PLEKHB2: variants seen among roughly 807,000 people sequenced by gnomAD.
PLEKHB2 encodes pleckstrin homology domain containing B2, also known as pleckstrin homology domain-containing family B member 2.
Under a neutral mutation model 36.5 loss-of-function variants are expected in PLEKHB2, and 31 were observed. The observed-to-expected ratio is 0.85, with a 90% CI of 0.64 to 1.15. The LOEUF is 1.15. Among genes scored for constraint, PLEKHB2 ranks in the 50% most tolerant of loss-of-function variants. The pLI, the probability that PLEKHB2 is intolerant of heterozygous loss-of-function variation, is 0.00. For synonymous variants in PLEKHB2, 119 were observed against 112.0 expected (o/e 1.06, Z -0.39); for missense variants, 262 against 295.3 (o/e 0.89, Z 0.83).
rs1339284268 is a variant in PLEKHB2, at chr2:131,132,897, C to T, written c.334-5C>T. 1.5e-5 allele frequency: 24 copies of T among 1,579,012 alleles called. No individual in the cohort carries two copies. Among genetic ancestry groups the T allele is most frequent in the African/African-American group, 5.4e-5 (4 of 74,176 alleles). The stretch of plus-strand genomic sequence containing the variant: ...CCTGTCCTCACCCTCTCCTGTCTCC[C>T]GCAGGCGTATGTGGGCTCTGCAGTC... On this transcript the variant is annotated splice_region_variant and splice_polypyrimidine_tract_variant and intron_variant, in intron 5 of 7. Transcript: ENST00000693505.
chr2:131,146,007 C>T (rs1699252241), intron 7 of PLEKHB2, among the ~76,000 whole-genome samples: 1 of 151,658 alleles, frequency 6.6e-6, no homozygotes, highest in South Asian at 2.1e-4. Context: ...ACGGTGAAAC[C>T]CCGTCTCTAC....
intron 1 of PLEKHB2, among the ~76,000 whole-genome samples, chr2:131,105,945 C>T (rs966518325): frequency 1.3e-5 from 2 of 152,334 alleles, no homozygotes; most frequent in African/African-American, 2.4e-5. Context: ...GTCTCCCCTC[C>T]TTAAGTCCCG....
At chr2:131,122,835 G>T (rs1696653272) in intron 2 of PLEKHB2, among the ~76,000 whole-genome samples, 1 of 152,144 alleles carries the variant, frequency 6.6e-6, no homozygotes, top group African/African-American at 2.4e-5. Flanking sequence ...GAAAGTCCTG[G>T]CTTGTTGAAG....
At chr2:131,114,889 C>T (rs1695695927) in intron 1 of PLEKHB2, among the ~76,000 whole-genome samples, 1 of 152,224 alleles carries the variant, frequency 6.6e-6, no homozygotes, top group South Asian at 2.1e-4. Flanking sequence ...ACTGTTCCAA[C>T]CTCTGCCTTT....
intron 1 of PLEKHB2, among the ~76,000 whole-genome samples, chr2:131,120,054 T>G (rs1331685674): frequency 3.3e-5 from 5 of 151,518 alleles, no homozygotes; most frequent in African/African-American, 4.9e-5. Flanking sequence ...CCGCATCCTC[T>G]GCCTCCTGGG....
At chr2:131,135,779 T>A (rs1698182068) in intron 6 of PLEKHB2, among the ~76,000 whole-genome samples, 2 of 152,014 alleles carry the variant, frequency 1.3e-5, no homozygotes, top group African/African-American at 4.8e-5. Flanking sequence ...TTTTTTATTT[T>A]TTTTATTTTT....
At chr2:131,105,620 C>G (rs1482597045) in intron 1 of PLEKHB2, among the ~76,000 whole-genome samples, 1 of 152,160 alleles carries the variant, frequency 6.6e-6, no homozygotes, top group African/African-American at 2.4e-5. Flanking sequence ...TCCGCCCTCT[C>G]AGTCTCCCCT....
At chr2:131,118,959 C>A (rs1337285979) in intron 1 of PLEKHB2, 25 of 132,524 alleles carry the variant, frequency 1.9e-4, no homozygotes, top group African/African-American at 6.3e-4. Context: ...CTATTGATTT[C>A]AAAAAATAAA....
chr2:131,145,207 C>T (rs1472031682), intron 7 of PLEKHB2, among the ~76,000 whole-genome samples: 2 of 152,168 alleles, frequency 1.3e-5, no homozygotes, highest in South Asian at 2.1e-4. Flanking sequence ...TAAAAGTGCA[C>T]TCAGTTGAGT....
intron 6 of PLEKHB2, among the ~76,000 whole-genome samples, chr2:131,134,044 C>T (rs577087236): frequency 4.2e-4 from 63 of 151,736 alleles, no homozygotes; most frequent in East Asian, 1.8e-3. Context: ...GGACTACAGG[C>T]GCCCGCCACC....
chr2:131,132,889 C>T lies in PLEKHB2; in HGVS notation c.334-13C>T. On this transcript the variant is annotated splice_polypyrimidine_tract_variant and intron_variant, in intron 5 of 7. Transcript: ENST00000693505. ...GAAGCTGTCCTGTCCTCACCCTCTC[C>T]TGTCTCCCGCAGGCGTATGTGGGCT... 1 of 1,542,258 alleles carries T rather than the reference C, an allele frequency of 6.5e-7. No homozygotes were observed. The highest frequency in any genetic ancestry group is 9.0e-7 in the Non-Finnish European group (1 of 1,114,470).
At chr2:131,146,484 C>T (rs759303153) in intron 7 of PLEKHB2, among the ~76,000 whole-genome samples, 153 bp from the exon 8 acceptor site, 3 of 152,084 alleles carry the variant, frequency 2.0e-5, no homozygotes, top group Non-Finnish European at 2.9e-5. Flanking sequence ...TCAGGGATGT[C>T]GGCCACATGA....
intron 6 of PLEKHB2, among the ~76,000 whole-genome samples, chr2:131,136,779 GA>G: frequency 6.6e-6 from 1 of 151,682 alleles, no homozygotes; most frequent in African/African-American, 2.4e-5. Context: ...GAATAAATTG[GA>G]AAGTGTTTTC....
intron 1 of PLEKHB2, among the ~76,000 whole-genome samples, chr2:131,111,635 AGCCT>A (rs775917621): frequency 2.0e-5 from 3 of 149,768 alleles, no homozygotes; most frequent in Admixed American, 6.7e-5. Context: ...GGACTACAGG[AGCCT>A]GCCACCACGC....
At chr2:131,131,873 G>A (rs1453016716) in intron 5 of PLEKHB2, among the ~76,000 whole-genome samples, 5 of 148,256 alleles carry the variant, frequency 3.4e-5, no homozygotes, top group Non-Finnish European at 7.4e-5. Flanking sequence ...TCACTCTGTC[G>A]CCCAGGCCAG....
At chr2:131,112,421 T>C (rs1695427169) in intron 1 of PLEKHB2, among the ~76,000 whole-genome samples, 1 of 152,148 alleles carries the variant, frequency 6.6e-6, no homozygotes, top group Admixed American at 6.5e-5. Context: ...TGAGCTGCTC[T>C]AGCAAATTAA....
At chr2:131,108,370 T>C (rs1223268350) in intron 1 of PLEKHB2, among the ~76,000 whole-genome samples, 2 of 152,178 alleles carry the variant, frequency 1.3e-5, no homozygotes, top group Non-Finnish European at 2.9e-5. Flanking sequence ...GGGCTTAGTG[T>C]TTATCTGATG....
At chr2:131,123,870 A>G (rs1696822263) in intron 2 of PLEKHB2, among the ~76,000 whole-genome samples, 1 of 139,840 alleles carries the variant, frequency 7.2e-6, no homozygotes, top group African/African-American at 2.7e-5. Context: ...TCTTTTTAAG[A>G]CAGGGTCTTG....
chr2:131,142,515 C>G (rs972482526), intron 7 of PLEKHB2, among the ~76,000 whole-genome samples: 1 of 149,678 alleles, frequency 6.7e-6, no homozygotes, highest in African/African-American at 2.5e-5. Flanking sequence ...CTTTGAACAT[C>G]TTTAATCATT....
Sources: allele counts gnomAD v4.1 joint callset (sites outside exome capture counted in the v4.1 genomes callset), GRCh38; gene constraint gnomAD v4.1.1; transcripts MANE v1.5; gene names NCBI Gene and HGNC (gene_info 2026-07-23, HGNC 2026-07-21).